Variants in SLC3A1 observed in about 807,000 individuals in gnomAD.
SLC3A1 encodes the protein amino acid transporter heavy chain SLC3A1.
In SLC3A1, 78 loss-of-function variants were observed where a neutral mutation model predicts 60.3. That is an observed-to-expected ratio of 1.29 (90% confidence interval 1.08 to 1.56). SLC3A1 has a LOEUF of 1.56. Among genes scored for constraint, SLC3A1 ranks in the 40% most tolerant of loss-of-function variants. The pLI is 0.00. For missense variants in SLC3A1, 1,172 were observed against 858.9 expected, an observed-to-expected ratio of 1.36 and a Z score of -4.56; for synonymous variants, 392 against 307.9, an observed-to-expected ratio of 1.27 and a Z score of -2.86.
At chr2:44,306,424 C>T (rs746213132) in intron 7 of SLC3A1, among the ~76,000 whole-genome samples, 47 of 151,986 alleles carry the variant, frequency 3.1e-4, no homozygotes, top group Non-Finnish European at 5.9e-4. Flanking sequence ...CTTTCTCCGT[C>T]TGGTGAGGGG....
chr2:44,304,924 C>T (rs899240367), intron 7 of SLC3A1, among the ~76,000 whole-genome samples: 2 of 145,700 alleles, frequency 1.4e-5, no homozygotes, highest in Admixed American at 7.2e-5. Flanking sequence ...GAGGCTCAAG[C>T]AATCCTCCCA....
Position 44,320,392 on chromosome 2 carries a change from T to G in SLC3A1, c.1811T>G (p.Leu604Arg). 6.2e-7 allele frequency: 1 copy of G among 1,614,066 alleles called. No homozygotes were observed. The highest frequency in any genetic ancestry group is 8.5e-7 in the Non-Finnish European group (1 of 1,179,922). ...GTTCTGAATTTTGGAGAATCAACAC[T>G]GTTAAATCTACATAATATGATTTCG... ...IVVLNFGEST[L>R]LNLHNMISGL... Residue 604 changes from leucine to arginine, a missense_variant, in exon 10 of 10, where the codon CTG becomes CGG. Coordinates refer to ENST00000260649, the MANE Select transcript of SLC3A1 (RefSeq NM_000341.4).
chr2:44,302,076 G>C (rs1222439584), intron 6 of SLC3A1, among the ~76,000 whole-genome samples: 2 of 151,874 alleles, frequency 1.3e-5, no homozygotes, highest in Non-Finnish European at 2.9e-5. Flanking sequence ...AAAAATACCA[G>C]CTCCTTCTCT....
chr2:44,299,849 T>C, intron 4 of SLC3A1, 122 bp from the exon 5 acceptor site: 1 of 1,012,668 alleles, frequency 9.9e-7, no homozygotes, highest in Non-Finnish European at 1.6e-6. Context: ...GTGAATACTG[T>C]GCTTGTTCTG....
intron 6 of SLC3A1, among the ~76,000 whole-genome samples, chr2:44,303,542 ATG>A (rs199863055): frequency 0.028 from 3,186 of 112,740 alleles, 126 homozygotes; most frequent in African/African-American, 0.1. Flanking sequence ...TGGCACCCAA[ATG>A]TGTTTCATTT....
chr2:44,281,046 C>T, intron 2 of SLC3A1, 151 bp downstream of exon 2: 1 of 642,802 alleles, frequency 1.6e-6, no homozygotes, highest in Admixed American at 2.7e-5. Context: ...TTCCCGCTTT[C>T]TCTTTCTTCC....
chr2:44,308,225 C>G (rs771602819), intron 7 of SLC3A1, among the ~76,000 whole-genome samples: 13 of 152,222 alleles, frequency 8.5e-5, no homozygotes, highest in Non-Finnish European at 1.5e-5. Flanking sequence ...TGTCTCTATG[C>G]CTGAACACCC....
At chr2:44,289,209 CTTTTTT>C (rs938256807) in intron 4 of SLC3A1, among the ~76,000 whole-genome samples, 19 of 143,190 alleles carry the variant, frequency 1.3e-4, no homozygotes, top group African/African-American at 4.7e-4. Flanking sequence ...TTTTCTTTTT[CTTTTTT>C]TCTTTTTTTT....
intron 6 of SLC3A1, among the ~76,000 whole-genome samples, chr2:44,301,583 AC>A (rs1474838666): frequency 6.6e-6 from 1 of 151,922 alleles, no homozygotes. Context: ...TACTAAAAAT[AC>A]AAAAATTAGC....
chr2:44,312,781 T>TA lies in SLC3A1; in HGVS notation c.1500+28_1500+29insA, dbSNP rs748034748. 7,621 of 1,592,426 alleles carry TA rather than the reference T, an allele frequency of 4.8e-3. 338 individuals are homozygous for TA. In the African/African-American group the frequency reaches 0.089, roughly 19 times the overall value. On this transcript the variant is annotated intron_variant, in intron 8 of 9. Coordinates refer to ENST00000260649, the MANE Select transcript of SLC3A1 (RefSeq NM_000341.4). ...AAGTTGAATACAACTTGACTATTCA[T>TA]CACAGCTATAAAACCAAGTATTCAT...
In SLC3A1 at chr2:44,296,827, C is replaced by G. The variant is rs145268574; in HGVS notation, c.892-3144C>G. 3.9e-4 allele frequency among the ~76,000 whole-genome samples: 60 copies of G among 152,252 alleles called. No individual in the cohort carries two copies. In the South Asian group the frequency reaches 4.8e-3, roughly 12 times the overall value. On this transcript the variant is annotated intron_variant, in intron 4 of 9. Coordinates refer to ENST00000260649, the MANE Select transcript of SLC3A1 (RefSeq NM_000341.4). Reference sequence around the variant, plus strand: ...GTGGAGCAGGTGGAGATAATTGAATCATGGGTGTGGTTTCCTCCATCCTGT... The same window carrying G: ...GTGGAGCAGGTGGAGATAATTGAATGATGGGTGTGGTTTCCTCCATCCTGT...
intron 4 of SLC3A1, among the ~76,000 whole-genome samples, chr2:44,298,889 G>C (rs1164434676): frequency 2.0e-5 from 3 of 152,032 alleles, no homozygotes; most frequent in African/African-American, 7.3e-5. Flanking sequence ...ACAATAATTG[G>C]GTTTCTAGCA....
intron 8 of SLC3A1, 27 bp downstream of exon 8, chr2:44,312,780 A>AT: frequency 6.3e-7 from 1 of 1,584,928 alleles, no homozygotes; most frequent in Non-Finnish European, 8.6e-7. Context: ...TTGACTATTC[A>AT]TCACAGCTAT....
intron 7 of SLC3A1, 133 bp from the exon 8 acceptor site, chr2:44,312,453 C>A: frequency 1.1e-6 from 1 of 890,722 alleles, no homozygotes; most frequent in Non-Finnish European, 1.9e-6. Context: ...GCCTAGGACT[C>A]AAGTCCAGGC....
chr2:44,281,502 T>G lies in SLC3A1; in HGVS notation c.726T>G (p.Cys242Trp). The G allele has an allele frequency of 6.2e-7, 1 of 1,614,054 alleles. No individual in the cohort carries two copies. The highest frequency in any genetic ancestry group is 8.5e-7 in the Non-Finnish European group (1 of 1,179,916). The change falls in exon 3 of 10, where the codon TGT becomes TGG. Residue 242 changes from cysteine to tryptophan, a missense_variant. Physicochemically the swap from Cys to Trp is radical, Grantham distance 215 (BLOSUM62 -2). Transcript: ENST00000260649. ...KYTDYYIWHD[C>W]THENGKTIPP... Reference sequence around the variant, plus strand: ...CTGATTATTATATCTGGCATGACTGTACCCATGAAAATGGCAAAACCATTC... The same window carrying G: ...CTGATTATTATATCTGGCATGACTGGACCCATGAAAATGGCAAAACCATTC...
At chr2:44,298,082 G>C (rs1025994102) in intron 4 of SLC3A1, among the ~76,000 whole-genome samples, 1 of 152,052 alleles carries the variant, frequency 6.6e-6, no homozygotes, top group East Asian at 1.9e-4. Flanking sequence ...CATTTCTCTC[G>C]GGTATATACC....
chr2:44,304,213 C>G lies in SLC3A1; in HGVS notation c.1207C>G (p.Gln403Glu). The change falls in exon 7 of 10, where the codon CAA becomes GAA. Residue 403 changes from glutamine (Q) to glutamate (E), a missense_variant. Transcript: ENST00000260649. ...TVMYYGLPFI[Q>E]EADFPFNNYL... is the part of the protein sequence containing the mutation. ...GATGTACTATGGATTGCCATTTATC[C>G]AAGAAGCTGATTTTCCCTTCAACAA... The G allele has an allele frequency of 6.2e-7, 1 of 1,614,044 alleles. No homozygotes were observed. Among genetic ancestry groups the G allele is most frequent in the Non-Finnish European group, 8.5e-7 (1 of 1,179,906 alleles).
intron 6 of SLC3A1, among the ~76,000 whole-genome samples, chr2:44,302,387 C>G (rs1376955885): frequency 6.6e-6 from 1 of 152,176 alleles, no homozygotes; most frequent in Non-Finnish European, 1.5e-5. Flanking sequence ...ATTAAGTTTA[C>G]ATAGATCACT....
Position 44,320,192 on chromosome 2 carries a change from A to C in SLC3A1, c.1618-7A>C. The stretch of plus-strand genomic sequence containing the variant: ...ACACTTACGTAAATACTTTTTTAAA[A>C]AAATAGGTCCAAAAGACTCAGCCCA... On this transcript the variant is annotated splice_region_variant and splice_polypyrimidine_tract_variant and intron_variant, in intron 9 of 9. Transcript: ENST00000260649. The C allele has an allele frequency of 3.1e-6, 5 of 1,609,690 alleles. No individual in the cohort carries two copies. Among genetic ancestry groups the C allele is most frequent in the Non-Finnish European group, 4.2e-6 (5 of 1,176,890 alleles).
Sources: allele counts gnomAD v4.1 joint callset (sites outside exome capture counted in the v4.1 genomes callset), GRCh38; gene constraint gnomAD v4.1.1; transcripts MANE v1.5; gene names NCBI Gene and HGNC (gene_info 2026-07-23, HGNC 2026-07-21).